The following GJB4 variants were observed in gnomAD, a reference collection of about 807,000 sequenced individuals.
GJB4 encodes gap junction protein beta 4.
For missense variants in GJB4, 371 were observed against 363.8 expected (o/e 1.02, Z -0.16); for synonymous variants, 162 against 158.1 (o/e 1.02, Z -0.18).
Position 34,761,739 on chromosome 1 carries a change from T to A in GJB4, c.485T>A (p.Val162Glu). The change falls in exon 2 of 2, where the codon GTG becomes GAG. Residue 162 changes from valine (V) to glutamate (E), a missense_variant. Coordinates refer to ENST00000339480, the MANE Select transcript of GJB4 (RefSeq NM_153212.3). The surrounding 1 kb of genome is among the most constrained non-coding windows in gnomAD (Gnocchi z 4.4). ...AAGGATTATGACATGCCCCGCGTGGTGGCCTGCTCCGTGGAGCCTTGCCCC... is the reference window on the plus strand; with the variant it reads ...AAGGATTATGACATGCCCCGCGTGGAGGCCTGCTCCGTGGAGCCTTGCCCC... Reference protein sequence around the residue: ...LYKDYDMPRVVACSVEPCPHT... With the variant: ...LYKDYDMPRVEACSVEPCPHT... The A allele has an allele frequency of 6.2e-7, 1 of 1,614,166 alleles. No individual in the cohort carries two copies. Among genetic ancestry groups the A allele is most frequent in the Non-Finnish European group, 8.5e-7 (1 of 1,180,036 alleles).
In GJB4 at chr1:34,762,290, A is replaced by G. The variant is rs2124221652; in HGVS notation, c.*235A>G. 3.3e-6 allele frequency: 2 copies of G among 607,530 alleles called. No individual in the cohort carries two copies. Among genetic ancestry groups the G allele is most frequent in the Non-Finnish European group, 6.0e-6 (2 of 331,156 alleles). 37.6% of individuals were successfully genotyped at this position (607,530 alleles called of 1,614,324 possible). A position where few individuals can be genotyped will look rare whatever the true frequency, so the allele number is the denominator to read the frequency against. On this transcript the variant is annotated 3_prime_UTR_variant, in exon 2 of 2. Transcript: ENST00000339480. ...TGGGGATTTTGTATATGGCAACAGT[A>G]TATGTCAAACCTCTTAATAAATATG...
chr1:34,761,647 C>T lies in GJB4; in HGVS notation c.393C>T (p.Tyr131=), dbSNP rs1321399488. ...SKKRGGLWWT[Y]LLSLIFKAAV... ...AGCGGGGCGGACTGTGGTGGACGTA[C>T]TTGCTGAGCCTCATCTTCAAGGCCG... The change falls in exon 2 of 2, where the codon TAC becomes TAT. Residue 131 remains tyrosine (Y), a synonymous_variant. Transcript: ENST00000339480. This position sits in a 1 kb window ranked among gnomAD's most constrained non-coding sequence, Gnocchi z 4.4. 2.5e-6 allele frequency: 4 copies of T among 1,614,132 alleles called. No homozygotes were observed. The African/African-American group carries it at 5.3e-5, about 22-fold the overall frequency.
rs370353561 is a variant in GJB4, at chr1:34,761,245, C to T, written c.-10C>T. 1.2e-6 allele frequency: 2 copies of T among 1,613,978 alleles called. No individual in the cohort carries two copies. The highest frequency in any genetic ancestry group is 2.7e-5 in the African/African-American group (2 of 74,932). On this transcript the variant is annotated 5_prime_UTR_variant, in exon 2 of 2. Coordinates refer to ENST00000339480, the MANE Select transcript of GJB4 (RefSeq NM_153212.3). This position sits in a 1 kb window ranked among gnomAD's most constrained non-coding sequence, Gnocchi z 4.4. ...GACCTTCCACGTGCAGCACCCAGGA[C>T]ACAGCCAGCATGAACTGGGCATTTC...
At position 34,759,753 on chromosome 1, in the gene GJB4, C is replaced by T. The variant is rs978958588; in HGVS notation, c.-358C>T. The T allele has an allele frequency of 6.6e-6, 1 of 152,398 alleles. No homozygotes were observed. The highest frequency in any genetic ancestry group is 6.5e-5 in the Admixed American group (1 of 15,276). The allele number at this position is 152,398 out of a possible 1,614,324, so 9.4% of individuals were successfully genotyped here. On this transcript the variant is annotated 5_prime_UTR_variant, in exon 1 of 2. Coordinates refer to ENST00000339480, the MANE Select transcript of GJB4 (RefSeq NM_153212.3). ...GAGGTCCTGAGGCAAACAGACAAGC[C>T]CAAGGACAAGGAAGCAGCTACTGGA...
chr1:34,762,135 C>A lies in GJB4; in HGVS notation c.*80C>A. On this transcript the variant is annotated 3_prime_UTR_variant, in exon 2 of 2. Transcript: ENST00000339480. ...GAAAAAAGGCAGGGGCAGTGGCATC[C>A]TTGCCGTAGCAGGGTGGTGAGGAGG... 2.9e-6 allele frequency: 4 copies of A among 1,369,138 alleles called. No homozygotes were observed. Among genetic ancestry groups the A allele is most frequent in the Non-Finnish European group, 4.1e-6 (4 of 982,060 alleles). 84.8% of individuals were successfully genotyped at this position (1,369,138 alleles called of 1,614,324 possible).
Position 34,761,711 on chromosome 1 carries a change from T to C in GJB4, c.457T>C (p.Tyr153His), listed in dbSNP as rs757329422. 3 of 1,614,044 alleles carry C rather than the reference T, an allele frequency of 1.9e-6. No homozygotes were observed. In the African/African-American group the frequency reaches 4.0e-5, roughly 22 times the overall value. The change falls in exon 2 of 2, where the codon TAC becomes CAC. Residue 153 changes from tyrosine (Y) to histidine (H), a missense_variant. Physicochemically the swap from Tyr to His is moderately conservative, Grantham distance 83. Coordinates refer to ENST00000339480, the MANE Select transcript of GJB4 (RefSeq NM_153212.3). This position sits in a 1 kb window ranked among gnomAD's most constrained non-coding sequence, Gnocchi z 4.4. ...AGFLYIFHRLYKDYDMPRVVA... is the reference protein window; with the variant it reads ...AGFLYIFHRLHKDYDMPRVVA... ...CTTCCTCTATATCTTCCACCGCCTCTACAAGGATTATGACATGCCCCGCGT... is the reference window on the plus strand; with the variant it reads ...CTTCCTCTATATCTTCCACCGCCTCCACAAGGATTATGACATGCCCCGCGT...
Position 34,760,823 on chromosome 1 carries a change from A to G in GJB4, c.-322-110A>G, listed in dbSNP as rs1349535805. On this transcript the variant is annotated intron_variant, in intron 1 of 1. Coordinates refer to ENST00000339480, the MANE Select transcript of GJB4 (RefSeq NM_153212.3). The stretch of plus-strand genomic sequence containing the variant: ...ATGGGAGAGCAGATCGTCCAATTCA[A>G]GCCTTCCTACGGTCTCTTTAGAAGA... 7 of 265,860 alleles carry G rather than the reference A, an allele frequency of 2.6e-5. No homozygotes were observed. In the Admixed American group the frequency reaches 2.9e-4, roughly 11 times the overall value. 16.5% of individuals were successfully genotyped at this position (265,860 alleles called of 1,614,324 possible).
Position 34,761,339 on chromosome 1 carries a change from T to C in GJB4, c.85T>C (p.Phe29Leu). 6.2e-7 allele frequency: 1 copy of C among 1,614,020 alleles called. No individual in the cohort carries two copies. Among genetic ancestry groups the C allele is most frequent in the Non-Finnish European group, 8.5e-7 (1 of 1,179,878 alleles). ...GAGCCGCATCTGGCTGTCTGTGGTGTTCATCTTTCGTGTGCTGGTGTACGT... is the reference window on the plus strand; with the variant it reads ...GAGCCGCATCTGGCTGTCTGTGGTGCTCATCTTTCGTGTGCTGGTGTACGT... ...VLSRIWLSVVFIFRVLVYVVA... is the reference protein window; with the variant it reads ...VLSRIWLSVVLIFRVLVYVVA... The change falls in exon 2 of 2, where the codon TTC (phenylalanine) becomes CTC (leucine). Residue 29 changes from phenylalanine (F) to leucine (L), a missense_variant. Phe to Leu is a conservative substitution (Grantham distance 22). Coordinates refer to ENST00000339480, the MANE Select transcript of GJB4 (RefSeq NM_153212.3). This position sits in a 1 kb window ranked among gnomAD's most constrained non-coding sequence, Gnocchi z 4.4.
At position 34,762,100 on chromosome 1, in the gene GJB4, G is replaced by A; in HGVS notation, c.*45G>A. On this transcript the variant is annotated 3_prime_UTR_variant, in exon 2 of 2. Transcript: ENST00000339480. ...AGATCAACAGGTCCCCCCCACATGA[G>A]GCCACCCAGGAAAAAAGGCAGGGGC... 2 of 1,541,936 alleles carry A rather than the reference G, an allele frequency of 1.3e-6. No individual in the cohort carries two copies. Among genetic ancestry groups the A allele is most frequent in the Non-Finnish European group, 1.8e-6 (2 of 1,133,236 alleles).
chr1:34,761,406 TTGTC>T lies in GJB4; in HGVS notation c.155_158del (p.Val52AlafsTer55), dbSNP rs146812843. ...GTGTGGGACGATGAGCAGAAGGACT[TTGTC>T]TGCAACACCAAGCAGCCCGGCTGCC... On this transcript the variant is annotated frameshift_variant, in exon 2 of 2. Transcript: ENST00000339480. LOFTEE classifies it low-confidence loss of function (END_TRUNC). The surrounding 1 kb of genome is among the most constrained non-coding windows in gnomAD (Gnocchi z 4.4). 66,390 of 1,609,388 alleles carry T rather than the reference TTGTC, an allele frequency of 0.041. 1,553 individuals carry two copies. Among genetic ancestry groups the T allele is most frequent in the Non-Finnish European group, 0.047 (56,034 of 1,179,978 alleles).
intron 1 of GJB4, among the ~76,000 whole-genome samples, chr1:34,760,341 G>A (rs1238368789): frequency 2.0e-5 from 3 of 152,088 alleles, no homozygotes; most frequent in African/African-American, 7.2e-5. Context: ...GGGCCTGAGA[G>A]GAAATAATGG....
rs1159337770 is a variant in GJB4, at chr1:34,761,213, A to T, written c.-42A>T. 1 of 1,607,622 alleles carries T rather than the reference A, an allele frequency of 6.2e-7. No homozygotes were observed. The highest frequency in any genetic ancestry group is 1.1e-5 in the South Asian group (1 of 90,416). On this transcript the variant is annotated 5_prime_UTR_variant, in exon 2 of 2. Transcript: ENST00000339480. The surrounding 1 kb of genome is among the most constrained non-coding windows in gnomAD (Gnocchi z 4.4). ...AGGCCTGAGTGGGCAGGTAGCACCC[A>T]GGTATAGACCTTCCACGTGCAGCAC...
rs561519962 is a variant in GJB4 at position 34,761,851 on chromosome 1, G to A, written c.597G>A (p.Leu199=). 5.0e-6 allele frequency: 8 copies of A among 1,614,212 alleles called. No individual in the cohort carries two copies. The East Asian group carries it at 1.6e-4, about 31-fold the overall frequency. ...FMVTTAAICI[L]LNLSEVFYLV... ...TGACCACAGCTGCCATCTGCATCCT[G>A]CTCAACCTCAGTGAAGTCTTCTACC... is the stretch of plus-strand genomic sequence containing the variant. Residue 199 remains leucine, a synonymous_variant, in exon 2 of 2, where the codon CTG becomes CTA. Coordinates refer to ENST00000339480, the MANE Select transcript of GJB4 (RefSeq NM_153212.3). This position sits in a 1 kb window ranked among gnomAD's most constrained non-coding sequence, Gnocchi z 4.4.
Position 34,762,007 on chromosome 1 carries a change from C to T in GJB4, c.753C>T (p.Val251=), listed in dbSNP as rs1639732121. Residue 251 remains valine (V), a synonymous_variant, in exon 2 of 2, where the codon GTC becomes GTT. Transcript: ENST00000339480. Reference sequence around the variant, plus strand: ...GGCACCCTGAGGATGGGAACTCTGTCCTAATGAAGGCTGGGTCGGCCCCAG... The same window carrying T: ...GGCACCCTGAGGATGGGAACTCTGTTCTAATGAAGGCTGGGTCGGCCCCAG... ...QGGHPEDGNS[V]LMKAGSAPVD... is the part of the protein sequence containing the mutation. 2 of 1,614,040 alleles carry T rather than the reference C, an allele frequency of 1.2e-6. No individual in the cohort carries two copies. The highest frequency in any genetic ancestry group is 3.3e-5 in the Admixed American group (2 of 60,000).
In GJB4 at chr1:34,759,794, G is replaced by A. The variant is rs28433288; in HGVS notation, c.-323+6G>A. The A allele has an allele frequency of 0.044, 6,755 of 152,584 alleles. 233 individuals carry two copies. Among genetic ancestry groups the A allele is most frequent in the South Asian group, 0.13 (628 of 4,822 alleles). The allele number at this position is 152,584 out of a possible 1,614,324, so 9.5% of individuals were successfully genotyped here. On this transcript the variant is annotated splice_donor_region_variant and intron_variant, in intron 1 of 1. Coordinates refer to ENST00000339480, the MANE Select transcript of GJB4 (RefSeq NM_153212.3). ...AGCTACTGGACCCAAGAAGGGTGAG[G>A]ACCGAATAGGGCAGGAGGCTGGCCA...
intron 1 of GJB4, 84 bp from the exon 2 acceptor site, chr1:34,760,849 C>A: frequency 6.1e-6 from 2 of 325,428 alleles, no homozygotes; most frequent in Non-Finnish European, 1.2e-5. Context: ...CTTTAGAAGA[C>A]ATGGGCTGAA....
At position 34,761,004 on chromosome 1, in the gene GJB4, A is replaced by AC; in HGVS notation, c.-249dup. On this transcript the variant is annotated 5_prime_UTR_variant, in exon 2 of 2. Transcript: ENST00000339480. The surrounding 1 kb of genome is among the most constrained non-coding windows in gnomAD (Gnocchi z 4.4). ...TTAGCTCTGCTACTTCCATCTGTGG[A>AC]CCATTGGGCAGGTATCTCTGGGCCT... 5.2e-6 allele frequency: 3 copies of AC among 574,308 alleles called. No individual in the cohort carries two copies. Among genetic ancestry groups the AC allele is most frequent in the Non-Finnish European group, 9.4e-6 (3 of 319,300 alleles). The allele number at this position is 574,308 out of a possible 1,614,324, so 35.6% of individuals were successfully genotyped here. A position where few individuals can be genotyped will look rare whatever the true frequency, so the allele number is the denominator to read the frequency against.
rs768479236 is a variant in GJB4 at position 34,761,311 on chromosome 1, G to A, written c.57G>A (p.Val19=). The A allele has an allele frequency of 6.2e-7, 1 of 1,613,928 alleles. No individual in the cohort carries two copies. The highest frequency in any genetic ancestry group is 1.3e-5 in the African/African-American group (1 of 74,924). The stretch of plus-strand genomic sequence containing the variant: ...GTGGCGTGAACAAGTACTCCACAGT[G>A]CTGAGCCGCATCTGGCTGTCTGTGG... The part of the protein sequence containing the change: ...LLSGVNKYST[V]LSRIWLSVVF... Residue 19 remains valine (V), a synonymous_variant, in exon 2 of 2, where the codon GTG becomes GTA. Transcript: ENST00000339480. This position sits in a 1 kb window ranked among gnomAD's most constrained non-coding sequence, Gnocchi z 4.4.
In GJB4 at chr1:34,761,569, C is replaced by T. The variant is rs949126749; in HGVS notation, c.315C>T (p.His105=). The change falls in exon 2 of 2, where the codon CAC becomes CAT. Residue 105 remains histidine, a synonymous_variant. Coordinates refer to ENST00000339480, the MANE Select transcript of GJB4 (RefSeq NM_153212.3). The surrounding 1 kb of genome is among the most constrained non-coding windows in gnomAD (Gnocchi z 4.4). ...ACCGCGAGGAACGCGAGCGCAAGCA[C>T]CACCTGAAACACGGGCCCAATGCCC... The part of the protein sequence containing the change: ...VAYREERERK[H]HLKHGPNAPS... 23 of 1,614,122 alleles carry T rather than the reference C, an allele frequency of 1.4e-5. No individual in the cohort carries two copies. The highest frequency in any genetic ancestry group is 1.7e-5 in the Non-Finnish European group (20 of 1,180,058).
Sources: allele counts gnomAD v4.1 joint callset (sites outside exome capture counted in the v4.1 genomes callset), GRCh38; gene constraint gnomAD v4.1.1; non-coding constraint Gnocchi (gnomAD v3.1); transcripts MANE v1.5; gene names NCBI Gene and HGNC (gene_info 2026-07-23, HGNC 2026-07-21).